Variants in SDK1 observed in about 807,000 individuals in gnomAD.
SDK1 encodes sidekick cell adhesion molecule 1.
In SDK1, 157 loss-of-function variants were observed where a neutral mutation model predicts 245.5. The observed-to-expected ratio is 0.64, with a 90% confidence interval of 0.56 to 0.73. The LOEUF (loss-of-function observed/expected upper bound fraction) is 0.73. SDK1 is among the 30% of genes least tolerant of loss of function. The pLI is 0.00. For missense variants in SDK1, 3,583 were observed against 3,002.3 expected (o/e 1.19, Z -4.52); for synonymous variants, 1,647 against 1,278.5 (o/e 1.29, Z -6.15).
chr7:3,817,349 A>G (rs1407023740), intron 4 of SDK1, among the ~76,000 whole-genome samples: 1 of 152,192 alleles, frequency 6.6e-6, no homozygotes, highest in Non-Finnish European at 1.5e-5. Flanking sequence ...TCTATGGGAC[A>G]TGAACAGTGT....
In SDK1 at chr7:4,079,396, G is replaced by A. The variant is rs141680891; in HGVS notation, c.3203-67G>A. On this transcript the variant is annotated intron_variant, in intron 21 of 44. Transcript: ENST00000404826. ...AACTGTTTACTTTTGAAGCTGACAC[G>A]TTTGATACCTTTCCTAAGCTGTGAC... is the stretch of plus-strand genomic sequence containing the variant. The A allele has an allele frequency of 3.1e-4, 488 of 1,577,580 alleles. 3 individuals are homozygous for A. In the African/African-American group the frequency reaches 5.1e-3, roughly 16 times the overall value.
intron 4 of SDK1, among the ~76,000 whole-genome samples, chr7:3,689,574 G>C (rs1008109222): frequency 6.6e-6 from 1 of 152,096 alleles, no homozygotes; most frequent in Non-Finnish European, 1.5e-5. Flanking sequence ...ATTATTTGTT[G>C]TGGCTGCCTG....
intron 1 of SDK1, among the ~76,000 whole-genome samples, chr7:3,362,647 A>G (rs1780984760): frequency 6.6e-6 from 1 of 152,180 alleles, no homozygotes; most frequent in Non-Finnish European, 1.5e-5. Context: ...ATTAATTTGC[A>G]TTTACTTTGT....
rs368261349 is a variant in SDK1, at chr7:4,149,264, C to A, written c.4426C>A (p.Arg1476=). ...ATVITTEKRE[R]PAPPRELLVP... ...GGTCTGTCCTCATTTGGTTGCAGAGCGGCCGGCACCCCCCAGAGAGCTCCT... is the reference window on the plus strand; with the variant it reads ...GGTCTGTCCTCATTTGGTTGCAGAGAGGCCGGCACCCCCCAGAGAGCTCCT... Residue 1476 remains arginine, a splice_region_variant and synonymous_variant, in exon 30 of 45, where the codon CGG becomes AGG. Transcript: ENST00000404826. The A allele has an allele frequency of 2.0e-5, 30 of 1,514,528 alleles. No homozygotes were observed. Among genetic ancestry groups the A allele is most frequent in the Non-Finnish European group, 2.5e-5 (28 of 1,131,842 alleles). 93.8% of individuals were successfully genotyped at this position (1,514,528 alleles called of 1,614,324 possible).
chr7:3,883,447 A>G (rs9655347), intron 5 of SDK1, among the ~76,000 whole-genome samples: 28,258 of 152,142 alleles, frequency 0.19, 2,778 homozygotes, highest in Middle Eastern at 0.29. Context: ...GTGTGTGCAC[A>G]TGCAGGTGTG....
Position 4,043,951 on chromosome 7 carries a change from C to G in SDK1, c.2603-5397C>G, listed in dbSNP as rs374515630. On this transcript the variant is annotated intron_variant, in intron 17 of 44. Coordinates refer to ENST00000404826, the MANE Select transcript of SDK1 (RefSeq NM_152744.4). Reference sequence around the variant, plus strand: ...CAATAGCTCCTGGCGTTTATTCTTTCTTTTCCCTTTTCTTCCTTTTTCTCC... The same window carrying G: ...CAATAGCTCCTGGCGTTTATTCTTTGTTTTCCCTTTTCTTCCTTTTTCTCC... Among the ~76,000 whole-genome samples, 15 of 152,174 alleles carry G rather than the reference C, an allele frequency of 9.9e-5. No homozygotes were observed. In the South Asian group the frequency reaches 1.9e-3, roughly 19 times the overall value.
intron 5 of SDK1, among the ~76,000 whole-genome samples, chr7:3,827,235 T>C (rs1779798322): frequency 6.6e-6 from 1 of 152,178 alleles, no homozygotes; most frequent in Non-Finnish European, 1.5e-5. Flanking sequence ...TCACTCAGGA[T>C]ACATATAGAT....
At chr7:3,767,581 T>C (rs73032370) in intron 4 of SDK1, among the ~76,000 whole-genome samples, 2,735 of 152,344 alleles carry the variant, frequency 0.018, 37 homozygotes, top group Middle Eastern at 0.065. Context: ...GTAAATACTT[T>C]ACATGTGCCA....
At chr7:3,538,907 G>C (rs987965757) in intron 1 of SDK1, among the ~76,000 whole-genome samples, 1 of 152,212 alleles carries the variant, frequency 6.6e-6, no homozygotes, top group Non-Finnish European at 1.5e-5. Flanking sequence ...TCCACACAAA[G>C]AGGCAGACGG....
chr7:3,986,323 A>G (rs928089732), intron 13 of SDK1, among the ~76,000 whole-genome samples: 1 of 152,058 alleles, frequency 6.6e-6, no homozygotes, highest in African/African-American at 2.4e-5. Context: ...GTTTCACCAC[A>G]CTTCCTCCAA....
At chr7:3,741,850 G>A (rs1037827127) in intron 4 of SDK1, among the ~76,000 whole-genome samples, 8 of 151,962 alleles carry the variant, frequency 5.3e-5, no homozygotes, top group East Asian at 1.9e-4. Flanking sequence ...GTGTATATAC[G>A]TGTGTGTGGA....
intron 9 of SDK1, among the ~76,000 whole-genome samples, chr7:3,964,330 G>C (rs894985933): frequency 1.3e-5 from 2 of 152,120 alleles, no homozygotes; most frequent in African/African-American, 4.8e-5. Flanking sequence ...TCAGGGTAGC[G>C]TTGCCTCTTC....
At chr7:3,632,126 C>G (rs1306613785) in intron 2 of SDK1, among the ~76,000 whole-genome samples, 3 of 152,166 alleles carry the variant, frequency 2.0e-5, no homozygotes, top group East Asian at 1.9e-4. Flanking sequence ...GCAATGTCCT[C>G]TTTCCTGAAG....
At chr7:3,399,763 T>G (rs976409023) in intron 1 of SDK1, among the ~76,000 whole-genome samples, 1 of 152,118 alleles carries the variant, frequency 6.6e-6, no homozygotes, top group Non-Finnish European at 1.5e-5. Context: ...GCTCTGTATA[T>G]GTGTTGTGTA....
intron 6 of SDK1, 31 bp downstream of exon 6, chr7:3,951,065 G>A: frequency 6.8e-7 from 1 of 1,462,412 alleles, no homozygotes; most frequent in Non-Finnish European, 9.6e-7. Flanking sequence ...GAGACTCCTA[G>A]TAAATATTCC....
intron 1 of SDK1, among the ~76,000 whole-genome samples, chr7:3,459,444 A>G (rs955896444): frequency 6.6e-6 from 1 of 152,184 alleles, no homozygotes; most frequent in African/African-American, 2.4e-5. Context: ...GCCACTCCCC[A>G]GTGCCATGAA....
At chr7:3,822,260 T>C (rs564944966) in intron 5 of SDK1, among the ~76,000 whole-genome samples, 15 of 152,200 alleles carry the variant, frequency 9.9e-5, no homozygotes, top group South Asian at 2.1e-4. Context: ...ATCAGAAGGC[T>C]TGTCATCAGA....
intron 14 of SDK1, among the ~76,000 whole-genome samples, chr7:4,000,448 C>A (rs1784988528): frequency 6.6e-6 from 1 of 152,128 alleles, no homozygotes; most frequent in African/African-American, 2.4e-5. Flanking sequence ...CTCCTGAGCC[C>A]CTCCCCAGCA....
Position 4,049,333 on chromosome 7 carries a change from A to G in SDK1, c.2603-15A>G, listed in dbSNP as rs374901674. On this transcript the variant is annotated splice_polypyrimidine_tract_variant and intron_variant, in intron 17 of 44. Coordinates refer to ENST00000404826, the MANE Select transcript of SDK1 (RefSeq NM_152744.4). ...GCCATTTGTTCTGCTGTCATCAATG[A>G]CTGCCCTGCCACAGTGCCCACCGCG... 4 of 1,607,418 alleles carry G rather than the reference A, an allele frequency of 2.5e-6. No individual in the cohort carries two copies. In the African/African-American group the frequency reaches 5.4e-5, roughly 22 times the overall value.
Sources: allele counts gnomAD v4.1 joint callset (sites outside exome capture counted in the v4.1 genomes callset), GRCh38; gene constraint gnomAD v4.1.1; transcripts MANE v1.5; gene names NCBI Gene and HGNC (gene_info 2026-07-23, HGNC 2026-07-21).